SYNE2: variants seen among roughly 807,000 people sequenced by gnomAD.
SYNE2 encodes nesprin-2.
SYNE2 carries 431 observed loss-of-function variants against 856.3 expected under a neutral mutation model. That is an observed-to-expected ratio of 0.50 (90% CI 0.47 to 0.55). SYNE2 has a LOEUF of 0.55. Among genes scored for constraint, SYNE2 ranks in the 20% least tolerant of loss-of-function variants. The pLI is 0.00. For missense variants in SYNE2, 8,129 were observed against 8,023.2 expected (o/e 1.01, Z -0.50); for synonymous variants, 2,923 against 2,872.3 (o/e 1.02, Z -0.56).
At position 63,879,897 on chromosome 14, in the gene SYNE2, G is replaced by A. The variant is rs193010208; in HGVS notation, c.-52+26754G>A. Among the ~76,000 whole-genome samples the A allele has an allele frequency of 7.1e-4, 108 of 152,330 alleles. 3 individuals carry two copies. In the East Asian group the frequency reaches 0.017, roughly 24 times the overall value. ...CCAACCAGCAAAGGATATCGCAGTTGCGTAGAAATTAAATCTCTAAAGTTA... is the reference window on the plus strand; with the variant it reads ...CCAACCAGCAAAGGATATCGCAGTTACGTAGAAATTAAATCTCTAAAGTTA... On this transcript the variant is annotated intron_variant, in intron 1 of 115. Coordinates refer to ENST00000555002, the MANE Select transcript of SYNE2 (RefSeq NM_182914.3).
intron 32 of SYNE2, among the ~76,000 whole-genome samples, chr14:64,015,992 A>G (rs903488596): frequency 6.6e-6 from 1 of 152,100 alleles, no homozygotes; most frequent in African/African-American, 2.4e-5. Context: ...TCGTTTTGAT[A>G]AAGTAGCATT....
At position 64,225,749 on chromosome 14, in the gene SYNE2, T is replaced by C. The variant is rs1172687157; in HGVS notation, c.*223T>C. The C allele has an allele frequency of 3.3e-6, 2 of 608,108 alleles. No homozygotes were observed. The highest frequency in any genetic ancestry group is 3.7e-5 in the African/African-American group (2 of 54,138). 37.7% of individuals were successfully genotyped at this position (608,108 alleles called of 1,614,324 possible). A position where few individuals can be genotyped will look rare whatever the true frequency, so the allele number is the denominator to read the frequency against. On this transcript the variant is annotated 3_prime_UTR_variant, in exon 116 of 116. Coordinates refer to ENST00000555002, the MANE Select transcript of SYNE2 (RefSeq NM_182914.3). ...CTGTGTGGCAGGTGCCCCGGGTATT[T>C]TGGCAGAACTAGTTGATTAGTTTAG... is the stretch of plus-strand genomic sequence containing the variant.
intron 1 of SYNE2, among the ~76,000 whole-genome samples, chr14:63,884,901 A>G (rs2094947994): frequency 6.6e-6 from 1 of 152,032 alleles, no homozygotes; most frequent in Non-Finnish European, 1.5e-5. Flanking sequence ...CGGCCTCCCA[A>G]AGTGCTGGGA....
intron 103 of SYNE2, among the ~76,000 whole-genome samples, chr14:64,211,392 G>A (rs2098640243): frequency 6.6e-6 from 1 of 152,206 alleles, no homozygotes; most frequent in African/African-American, 2.4e-5. Context: ...AACCTGAGAG[G>A]CATCCTTAAT....
intron 81 of SYNE2, 68 bp from the exon 82 acceptor site, chr14:64,141,874 C>T (rs1324847996): frequency 6.8e-7 from 1 of 1,469,546 alleles, no homozygotes. Context: ...CAGATATCAT[C>T]TTTAGTGATG....
chr14:64,042,019 C>A (rs2097152472), intron 45 of SYNE2, among the ~76,000 whole-genome samples: 1 of 152,092 alleles, frequency 6.6e-6, no homozygotes, highest in African/African-American at 2.4e-5. Context: ...TAAGGAACTC[C>A]ACACATGCAC....
In SYNE2 at chr14:64,062,778, A is replaced by G. The variant is rs756893550; in HGVS notation, c.10095A>G (p.Arg3365=). Residue 3365 remains arginine (R), a synonymous_variant, in exon 50 of 116, where the codon AGA becomes AGG. Transcript: ENST00000555002. ...ATCTTGAGAATTACAAATGCTATAG[A>G]AAAATGGAAGAGGATATTTACACTA... ...ERYLENYKCY[R]KMEEDIYTNL... is the part of the protein sequence containing the mutation. The G allele has an allele frequency of 3.7e-6, 6 of 1,613,650 alleles. No individual in the cohort carries two copies. The Admixed American group carries it at 1.0e-4, about 27-fold the overall frequency.
At chr14:64,194,520 G>T (rs1369800043) in intron 99 of SYNE2, among the ~76,000 whole-genome samples, 1 of 152,164 alleles carries the variant, frequency 6.6e-6, no homozygotes, top group Non-Finnish European at 1.5e-5. Flanking sequence ...GCCCAAGCTG[G>T]TCTTGAGCTC....
chr14:64,037,611 ATTG>A (rs2097102683), intron 45 of SYNE2, among the ~76,000 whole-genome samples: 1 of 151,388 alleles, frequency 6.6e-6, no homozygotes, highest in Non-Finnish European at 1.5e-5. Context: ...CAAAACCGCC[ATTG>A]TCATCATGGC....
In SYNE2 at chr14:64,126,353, C is replaced by G; in HGVS notation, c.13581C>G (p.Ile4527Met). Residue 4527 changes from isoleucine to methionine, a missense_variant, in exon 72 of 116, where the codon ATC becomes ATG. Physicochemically the swap from Ile to Met is conservative, Grantham distance 10. This residue lies in a region of SYNE2 where 5,410 missense variants were observed against 5,284.8 expected (regional missense o/e 1.02). Transcript: ENST00000555002. ...AAAATATGACAGAAGAAGCATATATCAATTTGGATAAAAAATTGTTTGAAC... is the reference window on the plus strand; with the variant it reads ...AAAATATGACAGAAGAAGCATATATGAATTTGGATAAAAAATTGTTTGAAC... ...TQENMTEEAY[I>M]NLDKKLFELF... 2 of 1,613,938 alleles carry G rather than the reference C, an allele frequency of 1.2e-6. No individual in the cohort carries two copies. The highest frequency in any genetic ancestry group is 1.7e-6 in the Non-Finnish European group (2 of 1,179,868).
intron 1 of SYNE2, among the ~76,000 whole-genome samples, chr14:63,892,990 TA>T (rs1241402690): frequency 1.3e-5 from 2 of 151,998 alleles, no homozygotes; most frequent in African/African-American, 4.8e-5. Flanking sequence ...AAACAAAACA[TA>T]ATACAAAGGC....
chr14:63,881,524 TAG>T (rs1210455736), intron 1 of SYNE2, among the ~76,000 whole-genome samples: 3 of 151,328 alleles, frequency 2.0e-5, no homozygotes, highest in African/African-American at 7.3e-5. Flanking sequence ...TCTTTTGAGT[TAG>T]AGTTATAATA....
At chr14:64,176,038 A>C (rs905526586) in intron 95 of SYNE2, among the ~76,000 whole-genome samples, 1 of 152,216 alleles carries the variant, frequency 6.6e-6, no homozygotes, top group African/African-American at 2.4e-5. Context: ...GTTGAGTTCC[A>C]GATAGTTAAT....
intron 62 of SYNE2, 78 bp downstream of exon 62, chr14:64,098,224 C>A: frequency 1.3e-6 from 2 of 1,488,838 alleles, no homozygotes; most frequent in South Asian, 1.2e-5. Flanking sequence ...CCTGAACGAC[C>A]TGTGGCATCT....
chr14:64,185,088 C>G (rs1361894782), intron 96 of SYNE2, among the ~76,000 whole-genome samples: 1 of 152,172 alleles, frequency 6.6e-6, no homozygotes, highest in Non-Finnish European at 1.5e-5. Context: ...AGACTTCCAT[C>G]TCTACAAAAA....
At chr14:63,790,966 AT>A (rs371722388) in intron 1 of SYNE2, among the ~76,000 whole-genome samples, 2,167 of 146,816 alleles carry the variant, frequency 0.015, 43 homozygotes, top group African/African-American at 0.049. Context: ...TACCAGAAGA[AT>A]TTTTTTTTTT....
At chr14:63,840,224 C>CAG (rs1291688303) in intron 1 of SYNE2, among the ~76,000 whole-genome samples, 2 of 151,952 alleles carry the variant, frequency 1.3e-5, no homozygotes, top group African/African-American at 4.8e-5. Flanking sequence ...TGAGCTGAGA[C>CAG]AGCGTCATTG....
At chr14:63,773,640 T>C (rs1887003881) in intron 1 of SYNE2, among the ~76,000 whole-genome samples, 2 of 152,172 alleles carry the variant, frequency 1.3e-5, no homozygotes, top group South Asian at 4.1e-4. Context: ...TACCATGCTA[T>C]AGACTGAAAC....
At chr14:64,075,838 C>A in intron 53 of SYNE2, 107 bp from the exon 54 acceptor site, 1 of 1,254,368 alleles carries the variant, frequency 8.0e-7, no homozygotes. Flanking sequence ...GTCATGCAAA[C>A]TGCACTCCTT....
Sources: gnomAD v4.1 joint callset for allele counts (sites outside exome capture counted in the v4.1 genomes callset) on GRCh38, gnomAD v4.1.1 for gene constraint, gnomAD v4.1.1 regional missense constraint, MANE v1.5 for transcripts, NCBI Gene and HGNC (gene_info 2026-07-23, HGNC 2026-07-21) for gene names.